Variants in HSD17B4 observed in about 807,000 individuals in gnomAD.
The protein encoded by HSD17B4 is hydroxysteroid 17-beta dehydrogenase 4.
Under a neutral mutation model 101.0 loss-of-function variants are expected in HSD17B4, and 70 were observed. The observed-to-expected ratio is 0.69, with a 90% CI of 0.57 to 0.85. The LOEUF (loss-of-function observed/expected upper bound fraction) is 0.85. Ranked by LOEUF, HSD17B4 falls within the 40% of genes least tolerant of loss-of-function variation. The pLI, the probability that HSD17B4 is intolerant of heterozygous loss-of-function variation, is 0.00. For missense variants in HSD17B4, 984 were observed against 892.4 expected, an observed-to-expected ratio of 1.10 and a Z score of -1.31; for synonymous variants, 347 against 297.1, an observed-to-expected ratio of 1.17 and a Z score of -1.73.
intron 2 of HSD17B4, 90 bp downstream of exon 2, chr5:119,456,458 G>A: frequency 1.1e-6 from 1 of 912,840 alleles, no homozygotes; most frequent in East Asian, 2.4e-5. Flanking sequence ...CAAATAATTT[G>A]TCAAGGTTGA....
chr5:119,508,816 G>C (rs753060238), intron 15 of HSD17B4, among the ~76,000 whole-genome samples: 1 of 152,196 alleles, frequency 6.6e-6, no homozygotes, highest in Non-Finnish European at 1.5e-5. Context: ...GTACTTTCTA[G>C]TGGGATTATT....
At chr5:119,481,886 T>C (rs923122879) in intron 8 of HSD17B4, among the ~76,000 whole-genome samples, 4 of 152,172 alleles carry the variant, frequency 2.6e-5, no homozygotes, top group African/African-American at 9.6e-5. Context: ...ATAATTCTTA[T>C]CCTTATTCCT....
At chr5:119,483,068 T>G (rs1472001246) in intron 8 of HSD17B4, among the ~76,000 whole-genome samples, 3 of 152,046 alleles carry the variant, frequency 2.0e-5, no homozygotes, top group Admixed American at 2.0e-4. Context: ...TTCAAAATGG[T>G]TTCTTCCCCC....
At chr5:119,495,057 A>G (rs1013308149) in intron 11 of HSD17B4, among the ~76,000 whole-genome samples, 4 of 151,730 alleles carry the variant, frequency 2.6e-5, no homozygotes, top group Non-Finnish European at 4.4e-5. Flanking sequence ...TTTCTCCTTA[A>G]TGATACTTTC....
chr5:119,527,428 T>G (rs1753704525), intron 20 of HSD17B4, among the ~76,000 whole-genome samples: 1 of 152,092 alleles, frequency 6.6e-6, no homozygotes, highest in Non-Finnish European at 1.5e-5. Flanking sequence ...ACCCTGTGTT[T>G]TATTTTCTCT....
chr5:119,455,413 A>C (rs1029358939), intron 1 of HSD17B4, among the ~76,000 whole-genome samples: 1 of 152,064 alleles, frequency 6.6e-6, no homozygotes, highest in Non-Finnish European at 1.5e-5. Context: ...GCTACTCGCG[A>C]GGCTGAGGCA....
intron 1 of HSD17B4, among the ~76,000 whole-genome samples, chr5:119,454,664 G>A (rs774613399): frequency 2.5e-4 from 38 of 150,010 alleles, no homozygotes; most frequent in Non-Finnish European, 4.7e-4. Flanking sequence ...CTCTGTTGCC[G>A]AGGCTGGAGT....
At chr5:119,483,889 A>G (rs925634437) in intron 8 of HSD17B4, among the ~76,000 whole-genome samples, 1 of 152,188 alleles carries the variant, frequency 6.6e-6, no homozygotes, top group Non-Finnish European at 1.5e-5. Context: ...ACTTGCTAAT[A>G]TTACCTACCA....
intron 16 of HSD17B4, among the ~76,000 whole-genome samples, chr5:119,512,216 A>G (rs1752238889): frequency 6.6e-6 from 1 of 152,184 alleles, no homozygotes; most frequent in Non-Finnish European, 1.5e-5. Flanking sequence ...GCCTTAGAGA[A>G]AGATGGAGTA....
At chr5:119,454,794 G>T (rs1754432123) in intron 1 of HSD17B4, among the ~76,000 whole-genome samples, 2 of 151,856 alleles carry the variant, frequency 1.3e-5, no homozygotes, top group South Asian at 4.2e-4. Context: ...GCTGATTTTT[G>T]TGGTTTGAAT....
In HSD17B4 at chr5:119,528,529, C is replaced by T. The variant is rs945574004; in HGVS notation, c.1767+1310C>T. ...ATAGATACACTCAAATTGGTGTTCT[C>T]TGAAAGCCTTTGCAGCTAATATCTG... is the stretch of plus-strand genomic sequence containing the variant. On this transcript the variant is annotated intron_variant, in intron 20 of 23. Transcript: ENST00000510025. 3.3e-5 allele frequency among the ~76,000 whole-genome samples: 5 copies of T among 152,170 alleles called. No homozygotes were observed. In the East Asian group the frequency reaches 9.6e-4, roughly 29 times the overall value.
At chr5:119,492,681 G>C (rs888609549) in intron 10 of HSD17B4, 1 of 152,104 alleles carries the variant, frequency 6.6e-6, no homozygotes, top group African/African-American at 2.4e-5. Context: ...AGTTATTTTA[G>C]ATAGTAAAAT....
rs775322585 is a variant in HSD17B4, at chr5:119,502,049, T to C, written c.1218T>C (p.His406=). ...TGTTTACCCTAACATAGGTTCTTCA[T>C]GGAGAGCAGTACTTAGAGTTATATA... The part of the protein sequence containing the change: ...GLSINFAKVL[H]GEQYLELYKP... Residue 406 remains histidine, a synonymous_variant, in exon 14 of 24, where the codon CAT becomes CAC. Transcript: ENST00000510025. 6.2e-7 allele frequency: 1 copy of C among 1,604,708 alleles called. No homozygotes were observed. Among genetic ancestry groups the C allele is most frequent in the South Asian group, 1.1e-5 (1 of 90,884 alleles).
intron 14 of HSD17B4, among the ~76,000 whole-genome samples, chr5:119,504,192 C>A (rs934450151): frequency 6.6e-6 from 1 of 152,016 alleles, no homozygotes; most frequent in Non-Finnish European, 1.5e-5. Context: ...TGATGGGCAC[C>A]TAGATTGATT....
chr5:119,522,701 T>C (rs1753225670), intron 17 of HSD17B4, among the ~76,000 whole-genome samples: 1 of 152,154 alleles, frequency 6.6e-6, no homozygotes, highest in Non-Finnish European at 1.5e-5. Flanking sequence ...ATAAAATAAA[T>C]TATCTTTCAG....
intron 2 of HSD17B4, among the ~76,000 whole-genome samples, chr5:119,465,900 C>G (rs1755760694): frequency 6.6e-6 from 1 of 152,080 alleles, no homozygotes; most frequent in Non-Finnish European, 1.5e-5. Context: ...TTATTTTGTT[C>G]CAGTTTTTAG....
At chr5:119,522,251 C>T (rs1753183969) in intron 17 of HSD17B4, among the ~76,000 whole-genome samples, 2 of 152,312 alleles carry the variant, frequency 1.3e-5, no homozygotes, top group South Asian at 4.1e-4. Context: ...CATGTCCCTA[C>T]AAAAGACATG....
intron 8 of HSD17B4, among the ~76,000 whole-genome samples, chr5:119,480,702 G>A (rs893497934): frequency 7.9e-5 from 12 of 152,126 alleles, no homozygotes; most frequent in African/African-American, 2.9e-4. Flanking sequence ...AATTTATTAG[G>A]TGGGAATTTC....
intron 2 of HSD17B4, among the ~76,000 whole-genome samples, chr5:119,461,972 C>T (rs923933545): frequency 6.6e-6 from 1 of 152,074 alleles, no homozygotes; most frequent in Non-Finnish European, 1.5e-5. Flanking sequence ...TAGGAAAAAT[C>T]TTCTGTAGTT....
Sources: gnomAD v4.1 joint callset for allele counts (sites outside exome capture counted in the v4.1 genomes callset) on GRCh38, gnomAD v4.1.1 for gene constraint, MANE v1.5 for transcripts, NCBI Gene and HGNC (gene_info 2026-07-23, HGNC 2026-07-21) for gene names.